The following CCDC150 variants were observed in gnomAD, a reference collection of about 807,000 sequenced individuals.
CCDC150 encodes coiled-coil domain-containing protein 150.
In CCDC150, 151 loss-of-function variants were observed where a neutral mutation model predicts 156.5. The ratio of observed to expected loss-of-function variants is 0.97; its 90% CI spans 0.85 to 1.10. The LOEUF (loss-of-function observed/expected upper bound fraction) is 1.10, where lower values mean the gene tolerates loss of function less well. Among genes scored for constraint, CCDC150 ranks in the 50% least tolerant of loss-of-function variants. CCDC150 has a pLI of 0.00. For synonymous variants in CCDC150, 452 were observed against 429.4 expected, an observed-to-expected ratio of 1.05 and a Z score of -0.65; for missense variants, 1,312 against 1,268.1, an observed-to-expected ratio of 1.03 and a Z score of -0.53.
intron 8 of CCDC150, among the ~76,000 whole-genome samples, chr2:196,670,313 T>C (rs1370237652): frequency 6.6e-6 from 1 of 152,212 alleles, no homozygotes; most frequent in Non-Finnish European, 1.5e-5. Flanking sequence ...TATATCTTAC[T>C]ACATTTGTAA....
chr2:196,658,903 A>G, intron 5 of CCDC150, 43 bp downstream of exon 5: 1 of 1,334,536 alleles, frequency 7.5e-7, no homozygotes, highest in East Asian at 2.4e-5. Flanking sequence ...TTGGAATTGC[A>G]GAGGGGAAAT....
intron 13 of CCDC150, among the ~76,000 whole-genome samples, chr2:196,685,665 G>C (rs1695081137): frequency 6.6e-6 from 1 of 151,030 alleles, no homozygotes. Flanking sequence ...AGGCTGGAGT[G>C]CAGCGGTGCC....
intron 13 of CCDC150, among the ~76,000 whole-genome samples, chr2:196,689,324 A>G (rs1695301982): frequency 6.6e-6 from 1 of 152,004 alleles, no homozygotes; most frequent in African/African-American, 2.4e-5. Flanking sequence ...GAATCTGTAA[A>G]TTACCTTGGG....
chr2:196,689,125 C>A (rs936275492), intron 13 of CCDC150, among the ~76,000 whole-genome samples: 38 of 152,176 alleles, frequency 2.5e-4, no homozygotes, highest in African/African-American at 9.2e-4. Context: ...GGTACCAGTA[C>A]CATGCTGTTT....
rs1559218163 is a variant in CCDC150, at chr2:196,656,720, A to G, written c.264A>G (p.Gly88=). 1 of 1,613,856 alleles carries G rather than the reference A, an allele frequency of 6.2e-7. No homozygotes were observed. The highest frequency in any genetic ancestry group is 2.2e-5 in the East Asian group (1 of 44,882). Residue 88 remains glycine (G), a synonymous_variant, in exon 3 of 28, where the codon GGA becomes GGG. Coordinates refer to ENST00000389175, the MANE Select transcript of CCDC150 (RefSeq NM_001080539.2). The part of the protein sequence containing the change: ...SPIQNEAICA[G]KTDILWKNCE... The stretch of plus-strand genomic sequence containing the variant: ...TCCAAAATGAAGCAATTTGTGCAGG[A>G]AAAACAGATATTTTATGGAAGAACT...
At chr2:196,665,477 G>A (rs1693785960) in intron 5 of CCDC150, 90 bp from the exon 6 acceptor site, 3 of 641,206 alleles carry the variant, frequency 4.7e-6, no homozygotes, top group Non-Finnish European at 7.9e-6. Flanking sequence ...GGGGTGAGAT[G>A]GCATGTCTGA....
chr2:196,695,073 C>A lies in CCDC150; in HGVS notation c.1537C>A (p.Leu513Met). The change falls in exon 14 of 28, where the codon CTG (leucine) becomes ATG (methionine). Residue 513 changes from leucine to methionine, a missense_variant. Physicochemically the swap from Leu to Met is conservative, Grantham distance 15 (BLOSUM62 2). Coordinates refer to ENST00000389175, the MANE Select transcript of CCDC150 (RefSeq NM_001080539.2). ...KVDINTLTHNLQTLEEENKHL... is the reference protein window; with the variant it reads ...KVDINTLTHNMQTLEEENKHL... ...AGACATAAATACATTAACTCATAAC[C>A]TGCAGACTCTTGAAGAAGAGAATAA... 1 of 1,608,974 alleles carries A rather than the reference C, an allele frequency of 6.2e-7. No individual in the cohort carries two copies. The highest frequency in any genetic ancestry group is 1.1e-5 in the South Asian group (1 of 90,452).
At chr2:196,719,385 A>G in intron 18 of CCDC150, 112 bp from the exon 19 acceptor site, 1 of 753,844 alleles carries the variant, frequency 1.3e-6, no homozygotes, top group South Asian at 2.6e-5. Context: ...CTAGCATCCT[A>G]CTGTGTCTGC....
intron 15 of CCDC150, among the ~76,000 whole-genome samples, chr2:196,704,621 T>C (rs565957174): frequency 6.6e-6 from 1 of 152,170 alleles, no homozygotes; most frequent in Non-Finnish European, 1.5e-5. Context: ...TACATAGATA[T>C]ACATGTGCCA....
intron 13 of CCDC150, among the ~76,000 whole-genome samples, chr2:196,689,492 A>C (rs1214111444): frequency 1.3e-5 from 2 of 151,732 alleles, no homozygotes; most frequent in Non-Finnish European, 2.9e-5. Context: ...TAGGTATTTT[A>C]TTCTCTTTGA....
intron 14 of CCDC150, among the ~76,000 whole-genome samples, chr2:196,699,240 C>T (rs1399974474): frequency 6.6e-6 from 1 of 152,064 alleles, no homozygotes; most frequent in Non-Finnish European, 1.5e-5. Context: ...TTAGTGGGAG[C>T]AACACAGTGA....
At chr2:196,725,557 T>C (rs571857384) in intron 21 of CCDC150, among the ~76,000 whole-genome samples, 2 of 152,170 alleles carry the variant, frequency 1.3e-5, no homozygotes, top group South Asian at 4.1e-4. Context: ...CAAAAAGACA[T>C]CATCTTACTA....
intron 7 of CCDC150, 48 bp from the exon 8 acceptor site, chr2:196,669,785 A>G (rs1158794779): frequency 6.3e-6 from 8 of 1,265,544 alleles, no homozygotes; most frequent in South Asian, 1.2e-5. Context: ...TGTGATTTTA[A>G]TGTAGCAAGT....
At chr2:196,699,919 C>G (rs1696094459) in intron 14 of CCDC150, among the ~76,000 whole-genome samples, 1 of 152,094 alleles carries the variant, frequency 6.6e-6, no homozygotes, top group Admixed American at 6.5e-5. Flanking sequence ...TATTTAGAAG[C>G]AGGTGTGGTA....
At chr2:196,676,494 T>A (rs1694511384) in intron 11 of CCDC150, 60 bp from the exon 12 acceptor site, 1 of 1,437,468 alleles carries the variant, frequency 7.0e-7, no homozygotes, top group East Asian at 2.3e-5. Context: ...ATTTAATTGC[T>A]CTTTCTGTTA....
At chr2:196,731,351 T>C (rs990703198) in intron 26 of CCDC150, among the ~76,000 whole-genome samples, 8 of 151,248 alleles carry the variant, frequency 5.3e-5, no homozygotes, top group Admixed American at 1.3e-4. Context: ...TTCTCTATTC[T>C]AAACTTAAAT....
At chr2:196,724,727 A>G (rs1698114799) in intron 21 of CCDC150, among the ~76,000 whole-genome samples, 2 of 152,224 alleles carry the variant, frequency 1.3e-5, no homozygotes, top group Admixed American at 6.5e-5. Context: ...TTTAAAGGCA[A>G]TTTAGAAAGT....
At chr2:196,711,746 T>C (rs1022836514) in intron 15 of CCDC150, among the ~76,000 whole-genome samples, 3 of 152,192 alleles carry the variant, frequency 2.0e-5, no homozygotes, top group Non-Finnish European at 4.4e-5. Flanking sequence ...ATATGTCTGC[T>C]TCTTGCACAT....
intron 1 of CCDC150, among the ~76,000 whole-genome samples, 196 bp from the exon 2 acceptor site, chr2:196,646,145 G>T (rs1293135438): frequency 6.6e-6 from 1 of 152,158 alleles, no homozygotes; most frequent in African/African-American, 2.4e-5. Context: ...ATCTCATAGG[G>T]GAGGGAAAAG....
Sources: gnomAD v4.1 joint callset for allele counts (sites outside exome capture counted in the v4.1 genomes callset) on GRCh38, gnomAD v4.1.1 for gene constraint, MANE v1.5 for transcripts, NCBI Gene and HGNC (gene_info 2026-07-23, HGNC 2026-07-21) for gene names.